COG5: variants seen among roughly 807,000 people sequenced by gnomAD.
COG5 encodes the protein conserved oligomeric Golgi complex subunit 5.
COG5 carries 86 observed loss-of-function variants against 110.4 expected under a neutral mutation model. That is an observed-to-expected ratio of 0.78 (90% CI 0.65 to 0.93). COG5 has a LOEUF of 0.93. Ranked by LOEUF, COG5 falls within the 40% of genes least tolerant of loss-of-function variation. The pLI, the probability that COG5 is intolerant of heterozygous loss-of-function variation, is 0.00. For synonymous variants in COG5, 360 were observed against 334.6 expected (o/e 1.08, Z -0.83); for missense variants, 1,077 against 987.0 (o/e 1.09, Z -1.22).
chr7:107,298,920 A>G (rs1448833500), intron 11 of COG5, among the ~76,000 whole-genome samples: 1 of 152,208 alleles, frequency 6.6e-6, no homozygotes, highest in African/African-American at 2.4e-5. Flanking sequence ...GGAACTAGAA[A>G]ATGCTTCTAA....
At chr7:107,445,132 T>G (rs1431848436) in intron 6 of COG5, among the ~76,000 whole-genome samples, 1 of 151,762 alleles carries the variant, frequency 6.6e-6, no homozygotes, top group Non-Finnish European at 1.5e-5. Context: ...GCCCAGGAGC[T>G]CGAAGCTGCA....
intron 6 of COG5, among the ~76,000 whole-genome samples, chr7:107,432,264 G>A (rs1794074554): frequency 6.6e-6 from 1 of 152,132 alleles, no homozygotes; most frequent in African/African-American, 2.4e-5. Context: ...AGACCATAAT[G>A]TTCTATAAAA....
Position 107,372,591 on chromosome 7 carries a change from A to G in COG5, c.835+4T>C, listed in dbSNP as rs915388047. 1 of 1,613,212 alleles carries G rather than the reference A, an allele frequency of 6.2e-7. No individual in the cohort carries two copies. Among genetic ancestry groups the G allele is most frequent in the East Asian group, 2.2e-5 (1 of 44,804 alleles). On this transcript the variant is annotated splice_donor_region_variant and intron_variant, in intron 8 of 21. Coordinates refer to ENST00000297135, the MANE Select transcript of COG5 (RefSeq NM_006348.5). ...AAGAAGCTAAATATAAACCACATCCATACCTCTCACAGCTGACTGGGAAGG... is the reference window on the plus strand; with the variant it reads ...AAGAAGCTAAATATAAACCACATCCGTACCTCTCACAGCTGACTGGGAAGG...
At chr7:107,282,794 T>A (rs532927273) in intron 13 of COG5, among the ~76,000 whole-genome samples, 1 of 152,318 alleles carries the variant, frequency 6.6e-6, no homozygotes, top group Admixed American at 6.5e-5. Context: ...ATTACAGGCG[T>A]GAGCCACCAT....
chr7:107,533,509 C>T (rs763004102), intron 5 of COG5, among the ~76,000 whole-genome samples: 2 of 151,278 alleles, frequency 1.3e-5, no homozygotes, highest in Non-Finnish European at 2.9e-5. Context: ...AGGAGAACTT[C>T]GTGAAGCATA....
At chr7:107,388,878 G>T (rs1031942162) in intron 7 of COG5, among the ~76,000 whole-genome samples, 1 of 152,132 alleles carries the variant, frequency 6.6e-6, no homozygotes, top group Non-Finnish European at 1.5e-5. Flanking sequence ...AGGACCCGCA[G>T]CCCTGAACAA....
chr7:107,351,517 C>G (rs1404595910), intron 10 of COG5, among the ~76,000 whole-genome samples: 1 of 152,140 alleles, frequency 6.6e-6, no homozygotes, highest in Non-Finnish European at 1.5e-5. Context: ...TCAGAGTGAA[C>G]AGGCAACCTA....
chr7:107,258,450 TCACACACACACATACACA>T (rs1304601802), intron 14 of COG5, 67 bp from the exon 15 acceptor site: 1 of 703,682 alleles, frequency 1.4e-6, no homozygotes. Flanking sequence ...TCTCTCTCTC[TCACACACACACATACACA>T]CACACACACA....
intron 7 of COG5, among the ~76,000 whole-genome samples, chr7:107,407,672 C>A (rs1791957555): frequency 7.0e-6 from 1 of 142,070 alleles, no homozygotes; most frequent in Non-Finnish European, 1.5e-5. Flanking sequence ...GGTTCTAAAA[C>A]CACCCACAAG....
chr7:107,537,750 A>G (rs1485802010), intron 5 of COG5, among the ~76,000 whole-genome samples: 3 of 151,716 alleles, frequency 2.0e-5, no homozygotes, highest in Non-Finnish European at 4.4e-5. Flanking sequence ...AAAAAAAAAG[A>G]AAGAAAAAAA....
At position 107,557,975 on chromosome 7, in the gene COG5, C is replaced by A; in HGVS notation, c.234+1G>T. Reference sequence around the variant, plus strand: ...ATAGGGACCCAGAAGATCAGAATTACCTGTAAGTGTAGTTCTCTGTCCAAC... The same window carrying A: ...ATAGGGACCCAGAAGATCAGAATTAACTGTAAGTGTAGTTCTCTGTCCAAC... On this transcript the variant is annotated splice_donor_variant, in intron 2 of 21. Coordinates refer to ENST00000297135, the MANE Select transcript of COG5 (RefSeq NM_006348.5). LOFTEE classifies it high-confidence loss of function. 6.2e-7 allele frequency: 1 copy of A among 1,613,944 alleles called. No individual in the cohort carries two copies. Among genetic ancestry groups the A allele is most frequent in the Non-Finnish European group, 8.5e-7 (1 of 1,179,940 alleles).
chr7:107,370,370 T>G (rs911620034), intron 8 of COG5, among the ~76,000 whole-genome samples: 1 of 152,202 alleles, frequency 6.6e-6, no homozygotes, highest in African/African-American at 2.4e-5. Context: ...ACTGACCTCA[T>G]GCCCATCATT....
chr7:107,371,264 G>C (rs1422236761), intron 8 of COG5, among the ~76,000 whole-genome samples: 1 of 151,918 alleles, frequency 6.6e-6, no homozygotes, highest in African/African-American at 2.4e-5. Flanking sequence ...TATATATTCA[G>C]TATTACGTAA....
At chr7:107,475,769 G>A (rs532047422) in intron 6 of COG5, 1 of 168,350 alleles carries the variant, frequency 5.9e-6, no homozygotes, top group South Asian at 2.0e-4. Flanking sequence ...TACAACTGGA[G>A]TAGCATTTTA....
intron 6 of COG5, among the ~76,000 whole-genome samples, chr7:107,503,355 A>G (rs1196460489): frequency 6.6e-6 from 1 of 152,070 alleles, no homozygotes; most frequent in Non-Finnish European, 1.5e-5. Context: ...CATTGGGTCT[A>G]TGTGCCTACT....
chr7:107,333,881 C>T (rs946775071), intron 10 of COG5, among the ~76,000 whole-genome samples: 1 of 152,050 alleles, frequency 6.6e-6, no homozygotes. Context: ...TCATACTTAC[C>T]TAGAGATCAC....
chr7:107,315,287 T>A (rs1479735838), intron 11 of COG5, among the ~76,000 whole-genome samples: 1 of 152,144 alleles, frequency 6.6e-6, no homozygotes, highest in Non-Finnish European at 1.5e-5. Context: ...GTATACAGTA[T>A]TTCAAGCCTT....
chr7:107,506,811 CT>C (rs1799048782), intron 6 of COG5, among the ~76,000 whole-genome samples: 1 of 152,238 alleles, frequency 6.6e-6, no homozygotes, highest in African/African-American at 2.4e-5. Context: ...CTACAGGACA[CT>C]TGCCACTCAC....
At chr7:107,382,061 T>C (rs4730235) in intron 7 of COG5, among the ~76,000 whole-genome samples, 31,773 of 152,160 alleles carry the variant, frequency 0.21, 3,599 homozygotes, top group East Asian at 0.33. Context: ...ACTGGAAGGG[T>C]ATGCTTCTCT....
Sources: gnomAD v4.1 joint callset for allele counts (sites outside exome capture counted in the v4.1 genomes callset) on GRCh38, gnomAD v4.1.1 for gene constraint, MANE v1.5 for transcripts, NCBI Gene and HGNC (gene_info 2026-07-23, HGNC 2026-07-21) for gene names.